HIRIP3: variants seen among roughly 807,000 people sequenced by gnomAD.
HIRIP3 encodes the protein HIRA interacting protein 3, also known as HIRA-interacting protein 3.
A neutral mutation model predicts 50.3 loss-of-function variants in HIRIP3; 40 were observed. That is an observed-to-expected ratio of 0.79 (90% CI 0.62 to 1.03). The LOEUF (loss-of-function observed/expected upper bound fraction) is 1.03. Ranked by LOEUF, HIRIP3 falls within the 50% of genes least tolerant of loss-of-function variation. HIRIP3 has a pLI of 0.00. For synonymous variants in HIRIP3, 318 were observed against 261.6 expected (o/e 1.22, Z -2.08); for missense variants, 765 against 705.4 (o/e 1.08, Z -0.96).
intron 1 of HIRIP3, 23 bp from the exon 2 acceptor site, chr16:29,995,486 C>G (rs751216828): frequency 6.2e-7 from 1 of 1,613,506 alleles, no homozygotes; most frequent in Non-Finnish European, 8.5e-7. Context: ...GGTGTCAGGA[C>G]GGAGTCCCGA....
In HIRIP3 at chr16:29,994,397, CTTCT is replaced by C; in HGVS notation, c.744_747del (p.Glu249ArgfsTer80). On this transcript the variant is annotated frameshift_variant, in exon 4 of 7. Coordinates refer to ENST00000279392, the MANE Select transcript of HIRIP3 (RefSeq NM_003609.5). LOFTEE classifies it high-confidence loss of function. The stretch of plus-strand genomic sequence containing the variant: ...TTCCAATCCCCCTTTTCCTCATCCT[CTTCT>C]TTCTCTTCCTCCTCCACTTCCTCCT... 1 of 1,614,048 alleles carries C rather than the reference CTTCT, an allele frequency of 6.2e-7. No homozygotes were observed. The highest frequency in any genetic ancestry group is 8.5e-7 in the Non-Finnish European group (1 of 1,179,954).
chr16:29,994,789 C>G lies in HIRIP3; in HGVS notation c.356G>C (p.Gly119Ala). The G allele has an allele frequency of 1.2e-6, 2 of 1,614,034 alleles. No individual in the cohort carries two copies. The highest frequency in any genetic ancestry group is 1.3e-5 in the African/African-American group (1 of 75,052). Residue 119 changes from glycine (G) to alanine (A), a missense_variant, in exon 4 of 7, where the codon GGG (glycine) becomes GCG (alanine). By Grantham distance (60) the Gly-to-Ala change is moderately conservative (BLOSUM62 0). Coordinates refer to ENST00000279392, the MANE Select transcript of HIRIP3 (RefSeq NM_003609.5). ...GGCTGGGCTGACTTCTGCTGCCACC[C>G]CATTCTTTGCTGGGGGTCCAAAGTA... ...PDYFGPPAKN[G>A]VAAEVSPAKE... is the part of the protein sequence containing the mutation.
rs375940223 is a variant in HIRIP3, at chr16:29,994,023, T to A, written c.1122A>T (p.Ala374=). Residue 374 remains alanine (A), a synonymous_variant, in exon 4 of 7, where the codon GCA becomes GCT. Coordinates refer to ENST00000279392, the MANE Select transcript of HIRIP3 (RefSeq NM_003609.5). ...DLEREVSDSE[A]GGGPQGERKN... ...TCCTCTCCCCCTGGGGGCCTCCCCC[T>A]GCCTCGCTGTCACTTACCTCCCTCT... is the stretch of plus-strand genomic sequence containing the variant. The A allele has an allele frequency of 4.4e-6, 7 of 1,608,554 alleles. No individual in the cohort carries two copies. The highest frequency in any genetic ancestry group is 4.2e-6 in the Non-Finnish European group (5 of 1,176,890).
Position 29,993,898 on chromosome 16 carries a change from A to C in HIRIP3, c.1239+8T>G. On this transcript the variant is annotated splice_region_variant and intron_variant, in intron 4 of 6. Coordinates refer to ENST00000279392, the MANE Select transcript of HIRIP3 (RefSeq NM_003609.5). ...TAATAGTGGCCTCCCACCCCTCCTC[A>C]CCCTCACCTTCCCTCCTTTGGCCTC... 6.3e-7 allele frequency: 1 copy of C among 1,576,362 alleles called. No individual in the cohort carries two copies. The highest frequency in any genetic ancestry group is 8.6e-7 in the Non-Finnish European group (1 of 1,159,484).
chr16:29,995,902 G>T, upstream of HIRIP3: 1 of 575,160 alleles, frequency 1.7e-6, no homozygotes, highest in Non-Finnish European at 3.1e-6. Context: ...CCGCGACGCT[G>T]CCTTTCTCAC....
chr16:29,993,026 C>T lies in HIRIP3; in HGVS notation c.*181G>A. 2.1e-6 allele frequency: 1 copy of T among 472,858 alleles called. No individual in the cohort carries two copies. Among genetic ancestry groups the T allele is most frequent in the South Asian group, 6.3e-5 (1 of 15,956 alleles). 29.3% of individuals were successfully genotyped at this position (472,858 alleles called of 1,614,324 possible). On this transcript the variant is annotated 3_prime_UTR_variant, in exon 7 of 7. Transcript: ENST00000279392. ...GATTAAAAACACTCCTTTATTGAGT[C>T]TTAAAAAATAAACACCTTAAAGGGA...
chr16:29,993,910 C>T lies in HIRIP3; in HGVS notation c.1235G>A (p.Gly412Glu), dbSNP rs369405931. ...CCCACCCCTCCTCACCCTCACCTTC[C>T]CTCCTTTGGCCTCTGGACTTCCATC... ...SSDGSPEAKG[G>E]KAGSGRRGED... Residue 412 changes from glycine (G) to glutamate (E), a missense_variant, in exon 4 of 7, where the codon GGG (glycine) becomes GAG (glutamate). Physicochemically the swap from Gly to Glu is moderately conservative, Grantham distance 98 (BLOSUM62 -2). Coordinates refer to ENST00000279392, the MANE Select transcript of HIRIP3 (RefSeq NM_003609.5). 92 of 1,568,190 alleles carry T rather than the reference C, an allele frequency of 5.9e-5. No individual in the cohort carries two copies. The highest frequency in any genetic ancestry group is 7.5e-5 in the Non-Finnish European group (87 of 1,156,150).
chr16:29,995,153 G>GT lies in HIRIP3; in HGVS notation c.250dup (p.Thr84AsnfsTer4). 6.2e-7 allele frequency: 1 copy of GT among 1,614,282 alleles called. No individual in the cohort carries two copies. Among genetic ancestry groups the GT allele is most frequent in the Non-Finnish European group, 8.5e-7 (1 of 1,180,054 alleles). On this transcript the variant is annotated frameshift_variant, in exon 3 of 7. Transcript: ENST00000279392. LOFTEE classifies it high-confidence loss of function. ...TTTTCTCTCCGGGTCGCTACAAGGG[G>GT]TGGGAGGCCTCTTGCCCTTCTTGGT...
At position 29,993,179 on chromosome 16, in the gene HIRIP3, C is replaced by G; in HGVS notation, c.*28G>C. ...TGCTATGTATGCTTTGTACATGTAT[C>G]AAGGGTCCCTCCTGGGGGTGGCAGA... On this transcript the variant is annotated 3_prime_UTR_variant, in exon 7 of 7. Coordinates refer to ENST00000279392, the MANE Select transcript of HIRIP3 (RefSeq NM_003609.5). 6.4e-7 allele frequency: 1 copy of G among 1,563,548 alleles called. No individual in the cohort carries two copies. Among genetic ancestry groups the G allele is most frequent in the Non-Finnish European group, 8.7e-7 (1 of 1,155,430 alleles).
In HIRIP3 at chr16:29,993,301, C is replaced by T. The variant is rs372448915; in HGVS notation, c.1577G>A (p.Arg526Gln). The T allele has an allele frequency of 6.5e-5, 101 of 1,543,306 alleles. No homozygotes were observed. Among genetic ancestry groups the T allele is most frequent in the East Asian group, 1.1e-4 (5 of 44,128 alleles). Residue 526 changes from arginine (R) to glutamine (Q), a missense_variant, in exon 7 of 7, where the codon CGG becomes CAG. Arg to Gln is a conservative substitution (Grantham distance 43, BLOSUM62 1). Transcript: ENST00000279392. The part of the protein sequence containing the change: ...EAAPPGELYR[R>Q]TLDSDEERPR... ...CCGCTCTTCATCTGAGTCCAGGGTC[C>T]GTCGGTACAGCTCCCCTGGGGGTGC...
chr16:29,993,326 C>T lies in HIRIP3; in HGVS notation c.1552G>A (p.Ala518Thr). ...CGTCGGTACAGCTCCCCTGGGGGTGCTGCTTCTCCTAAAGGGTTCCAGGCT... is the reference window on the plus strand; with the variant it reads ...CGTCGGTACAGCTCCCCTGGGGGTGTTGCTTCTCCTAAAGGGTTCCAGGCT... ...RTAWNPLGEA[A>T]PPGELYRRTL... The change falls in exon 7 of 7, where the codon GCA (alanine) becomes ACA (threonine). Residue 518 changes from alanine (A) to threonine (T), a missense_variant. By Grantham distance (58) the Ala-to-Thr change is moderately conservative. Coordinates refer to ENST00000279392, the MANE Select transcript of HIRIP3 (RefSeq NM_003609.5). The T allele has an allele frequency of 6.5e-7, 1 of 1,539,084 alleles. No homozygotes were observed. Among genetic ancestry groups the T allele is most frequent in the Non-Finnish European group, 8.8e-7 (1 of 1,140,326 alleles).
Position 29,993,122 on chromosome 16 carries a change from C to T in HIRIP3, c.*85G>A. The T allele has an allele frequency of 7.6e-7, 1 of 1,307,382 alleles. No homozygotes were observed. The highest frequency in any genetic ancestry group is 1.0e-6 in the Non-Finnish European group (1 of 971,948). 81.0% of individuals were successfully genotyped at this position (1,307,382 alleles called of 1,614,324 possible). A position where few individuals can be genotyped will look rare whatever the true frequency, so the allele number is the denominator to read the frequency against. On this transcript the variant is annotated 3_prime_UTR_variant, in exon 7 of 7. Transcript: ENST00000279392. ...GAGCTGCAGTCTTCTCTGAAGGAAGCTGCTTCTGTTCCACAGACACAGGGC... is the reference window on the plus strand; with the variant it reads ...GAGCTGCAGTCTTCTCTGAAGGAAGTTGCTTCTGTTCCACAGACACAGGGC...
rs769675336 is a variant in HIRIP3 at position 29,995,554 on chromosome 16, G to A, written c.52C>T (p.Arg18Cys). ...CCCCCTGGGCACCTGAGGTCCGGGC[G>A]GCCTCGGAAGAAGCTACGGGTGAAC... ...QEFTRSFFRG[R>C]PDLSTLTHSI... Residue 18 changes from arginine to cysteine, a missense_variant, in exon 1 of 7, where the codon CGC (arginine) becomes TGC (cysteine). Arg to Cys is a radical substitution (Grantham distance 180). Transcript: ENST00000279392. 1.2e-6 allele frequency: 2 copies of A among 1,612,990 alleles called. No homozygotes were observed. The highest frequency in any genetic ancestry group is 1.7e-5 in the Admixed American group (1 of 60,036).
Position 29,994,267 on chromosome 16 carries a change from T to A in HIRIP3, c.878A>T (p.Glu293Val), listed in dbSNP as rs1349474776. The change falls in exon 4 of 7, where the codon GAA becomes GTA. Residue 293 changes from glutamate (E) to valine (V), a missense_variant. Glu to Val is a moderately radical substitution (Grantham distance 121). Coordinates refer to ENST00000279392, the MANE Select transcript of HIRIP3 (RefSeq NM_003609.5). ...KRLLGDSDSE[E>V]EQKEAASSGD... The stretch of plus-strand genomic sequence containing the variant: ...ACTGCTGGCTGCCTCTTTCTGCTCT[T>A]CCTCGCTGTCTGAGTCTCCCAAGAG... The A allele has an allele frequency of 6.2e-7, 1 of 1,614,210 alleles. No homozygotes were observed. The highest frequency in any genetic ancestry group is 8.5e-7 in the Non-Finnish European group (1 of 1,180,044).
chr16:29,995,511 TTCCAACCCCATC>T lies in HIRIP3; in HGVS notation c.65+18_65+29del, dbSNP rs2070073313. The T allele has an allele frequency of 6.2e-7, 1 of 1,613,676 alleles. No homozygotes were observed. The highest frequency in any genetic ancestry group is 8.5e-7 in the Non-Finnish European group (1 of 1,180,012). On this transcript the variant is annotated intron_variant, in intron 1 of 6. Coordinates refer to ENST00000279392, the MANE Select transcript of HIRIP3 (RefSeq NM_003609.5). The stretch of plus-strand genomic sequence containing the variant: ...CGGAGTCCCGACCCACCCGCGCCCT[TTCCAACCCCATC>T]TCCAACCCCCTGGGCACCTGAGGTC...
chr16:29,993,555 T>C lies in HIRIP3; in HGVS notation c.1411A>G (p.Thr471Ala). 6.2e-7 allele frequency: 1 copy of C among 1,613,248 alleles called. No individual in the cohort carries two copies. The highest frequency in any genetic ancestry group is 2.2e-5 in the East Asian group (1 of 44,860). The part of the protein sequence containing the change: ...AELEALGMKG[T>A]PSLGKCRALK... ...GCCCGACACTTCCCTAGGGAAGGGG[T>C]ACCTGGGGCAGAAGAAGCTGGTGAT... is the stretch of plus-strand genomic sequence containing the variant. The change falls in exon 6 of 7, where the codon ACC becomes GCC. Residue 471 changes from threonine to alanine, a missense_variant and splice_region_variant. Thr to Ala is a moderately conservative substitution (Grantham distance 58). Coordinates refer to ENST00000279392, the MANE Select transcript of HIRIP3 (RefSeq NM_003609.5).
Position 29,993,738 on chromosome 16 carries a change from C to G in HIRIP3, c.1310G>C (p.Gly437Ala), listed in dbSNP as rs1354481442. 1 of 1,609,242 alleles carries G rather than the reference C, an allele frequency of 6.2e-7. No individual in the cohort carries two copies. Among genetic ancestry groups the G allele is most frequent in the Admixed American group, 1.7e-5 (1 of 60,024 alleles). ...MRLKRYIRAC[G>A]AHRNYKKLLG... The stretch of plus-strand genomic sequence containing the variant: ...CAGCTTCTTGTAGTTTCGATGGGCA[C>G]CACAGGCCCGAATGTAGCGCTTCAG... The change falls in exon 5 of 7, where the codon GGT becomes GCT. Residue 437 changes from glycine to alanine, a missense_variant. Coordinates refer to ENST00000279392, the MANE Select transcript of HIRIP3 (RefSeq NM_003609.5).
In HIRIP3 at chr16:29,995,421, G is replaced by A; in HGVS notation, c.108C>T (p.His36=). The A allele has an allele frequency of 1.9e-6, 3 of 1,613,754 alleles. No homozygotes were observed. Among genetic ancestry groups the A allele is most frequent in the Non-Finnish European group, 2.5e-6 (3 of 1,179,910 alleles). ...CGGGCTCCAGGTGGCTGCGGCCCGA[G>A]TGAGCTAAGTACCTCCGCCGCACGA... ...HSIVRRRYLA[H]SGRSHLEPEE... Residue 36 remains histidine, a synonymous_variant, in exon 2 of 7, where the codon CAC becomes CAT. Transcript: ENST00000279392.
In HIRIP3 at chr16:29,994,668, G is replaced by GCTCTC; in HGVS notation, c.472_476dup (p.Ser159ArgfsTer21). The GCTCTC allele has an allele frequency of 1.9e-6, 3 of 1,613,932 alleles. No homozygotes were observed. Among genetic ancestry groups the GCTCTC allele is most frequent in the Non-Finnish European group, 2.5e-6 (3 of 1,180,004 alleles). ...TGTACCCCTTTTCCTCCTCCTCACT[G>GCTCTC]CTCTCCTCTCCCCTCTGTGCGGGCA... is the stretch of plus-strand genomic sequence containing the variant. On this transcript the variant is annotated frameshift_variant, in exon 4 of 7. Coordinates refer to ENST00000279392, the MANE Select transcript of HIRIP3 (RefSeq NM_003609.5). LOFTEE classifies it high-confidence loss of function.
Sources: gnomAD v4.1 joint callset for allele counts on GRCh38, gnomAD v4.1.1 for gene constraint, MANE v1.5 for transcripts, NCBI Gene and HGNC (gene_info 2026-07-23, HGNC 2026-07-21) for gene names.